The following FAM135A variants were observed in gnomAD, a reference collection of about 807,000 sequenced individuals.
The protein encoded by FAM135A is family with sequence similarity 135 member A.
FAM135A carries 79 observed loss-of-function variants against 146.8 expected under a neutral mutation model. The ratio of observed to expected loss-of-function variants is 0.54; its 90% CI spans 0.45 to 0.65. The LOEUF (loss-of-function observed/expected upper bound fraction) is 0.65, where lower values mean the gene tolerates loss of function less well. Ranked by LOEUF, FAM135A falls within the 30% of genes least tolerant of loss-of-function variation. The pLI, the probability that FAM135A is intolerant of heterozygous loss-of-function variation, is 0.00. For synonymous variants in FAM135A, 562 were observed against 603.6 expected (o/e 0.93, Z 1.01); for missense variants, 1,623 against 1,758.2 (o/e 0.92, Z 1.38).
At chr6:70,532,378 A>G (rs73746046) in intron 16 of FAM135A, among the ~76,000 whole-genome samples, 3,641 of 150,062 alleles carry the variant, frequency 0.024, 133 homozygotes, top group African/African-American at 0.083. Context: ...ATGCCTTTTG[A>G]GTTAATTATT....
At chr6:70,435,549 C>T (rs536043619) in intron 4 of FAM135A, among the ~76,000 whole-genome samples, 10 of 151,418 alleles carry the variant, frequency 6.6e-5, no homozygotes, top group East Asian at 5.9e-4. Context: ...GATGGAGTTT[C>T]GCTCTTGTTG....
chr6:70,538,720 A>G (rs1797228832), intron 20 of FAM135A, among the ~76,000 whole-genome samples: 1 of 150,970 alleles, frequency 6.6e-6, no homozygotes, highest in Admixed American at 6.6e-5. Context: ...TGCATGTCCT[A>G]TCCCCGCTGT....
chr6:70,507,964 A>G (rs1790169645), intron 12 of FAM135A, among the ~76,000 whole-genome samples: 1 of 152,118 alleles, frequency 6.6e-6, no homozygotes, highest in Non-Finnish European at 1.5e-5. Context: ...AAGTTAGCCT[A>G]CCATAGATTG....
intron 20 of FAM135A, among the ~76,000 whole-genome samples, chr6:70,540,471 C>G (rs1797711457): frequency 6.6e-6 from 1 of 151,850 alleles, no homozygotes; most frequent in Non-Finnish European, 1.5e-5. Flanking sequence ...ACTACAGGCG[C>G]CCGCCACCAC....
chr6:70,526,047 C>G lies in FAM135A; in HGVS notation c.2963C>G (p.Thr988Arg). ...CVISGSISSNTDVSEDRTMKK... is the reference protein window; with the variant it reads ...CVISGSISSNRDVSEDRTMKK... ...ATTTCAGGTTCCATTTCTAGTAATA[C>G]AGATGTTAGTGAAGATAGAACTATG... Residue 988 changes from threonine to arginine, a missense_variant, in exon 15 of 22, where the codon ACA (threonine) becomes AGA (arginine). Physicochemically the swap from Thr to Arg is moderately conservative, Grantham distance 71. Around this residue, in one of 7 missense-constraint regions of FAM135A, gnomAD observed 1,061 missense variants for 1,113.8 expected, o/e 0.95. Transcript: ENST00000418814. The G allele has an allele frequency of 6.2e-7, 1 of 1,612,008 alleles. No individual in the cohort carries two copies. Among genetic ancestry groups the G allele is most frequent in the Non-Finnish European group, 8.5e-7 (1 of 1,179,274 alleles).
chr6:70,476,620 A>G (rs1474199034), intron 7 of FAM135A, among the ~76,000 whole-genome samples: 4 of 152,110 alleles, frequency 2.6e-5, no homozygotes, highest in Admixed American at 2.0e-4. Flanking sequence ...ATAATTGGAT[A>G]TAATTTTCAT....
rs1291559354 is a variant in FAM135A at position 70,526,087 on chromosome 6, T to C, written c.3003T>C (p.Asp1001=). The C allele has an allele frequency of 6.2e-7, 1 of 1,613,062 alleles. No homozygotes were observed. The highest frequency in any genetic ancestry group is 8.5e-7 in the Non-Finnish European group (1 of 1,179,582). ...ATAGAACTATGAAAAAAAATAGTGA[T>C]GTATTAAATCTCACACAGATGTATT... The part of the protein sequence containing the change: ...SEDRTMKKNS[D]VLNLTQMYSE... The change falls in exon 15 of 22, where the codon GAT becomes GAC. Residue 1001 remains aspartate, a synonymous_variant. Coordinates refer to ENST00000418814, the MANE Select transcript of FAM135A (RefSeq NM_001162529.3).
intron 11 of FAM135A, among the ~76,000 whole-genome samples, chr6:70,492,656 T>TAAA (rs368818336): frequency 3.0e-4 from 39 of 128,176 alleles, no homozygotes; most frequent in Admixed American, 5.5e-4. Context: ...AACACCCTTG[T>TAAA]AAAAAAAAAA....
intron 8 of FAM135A, among the ~76,000 whole-genome samples, chr6:70,478,914 CTA>C: frequency 6.6e-6 from 1 of 152,166 alleles, no homozygotes; most frequent in Admixed American, 6.5e-5. Flanking sequence ...TGAAACTTTT[CTA>C]ACAAAGTGTG....
At chr6:70,487,596 T>G (rs1784938077) in intron 10 of FAM135A, among the ~76,000 whole-genome samples, 1 of 152,142 alleles carries the variant, frequency 6.6e-6, no homozygotes, top group Non-Finnish European at 1.5e-5. Context: ...GGGAAACTGA[T>G]TTTCTTGTCA....
intron 12 of FAM135A, among the ~76,000 whole-genome samples, chr6:70,518,809 C>G (rs1404857779): frequency 6.6e-6 from 1 of 152,144 alleles, no homozygotes; most frequent in South Asian, 2.1e-4. Flanking sequence ...TAAAAAGATT[C>G]CTTTCAGAAT....
chr6:70,421,386 A>G (rs1292960662), intron 2 of FAM135A, among the ~76,000 whole-genome samples: 2 of 152,252 alleles, frequency 1.3e-5, no homozygotes, highest in African/African-American at 4.8e-5. Flanking sequence ...TTCAGTGGAC[A>G]CATGTTACAA....
At chr6:70,443,656 T>C (rs2127971546) in intron 4 of FAM135A, among the ~76,000 whole-genome samples, 1 of 152,370 alleles carries the variant, frequency 6.6e-6, no homozygotes, top group Admixed American at 6.5e-5. Context: ...TAGTGAAAAT[T>C]TATAGTTTTT....
In FAM135A at chr6:70,526,052, G is replaced by A. The variant is rs1426312771; in HGVS notation, c.2968G>A (p.Val990Ile). ...ISGSISSNTD[V>I]SEDRTMKKNS... ...AGGTTCCATTTCTAGTAATACAGATGTTAGTGAAGATAGAACTATGAAAAA... is the reference window on the plus strand; with the variant it reads ...AGGTTCCATTTCTAGTAATACAGATATTAGTGAAGATAGAACTATGAAAAA... Residue 990 changes from valine to isoleucine, a missense_variant, in exon 15 of 22, where the codon GTT (valine) becomes ATT (isoleucine). Val to Ile is a conservative substitution (Grantham distance 29). Transcript: ENST00000418814. 1.2e-6 allele frequency: 2 copies of A among 1,612,316 alleles called. No individual in the cohort carries two copies. The highest frequency in any genetic ancestry group is 1.1e-5 in the South Asian group (1 of 90,810).
rs774380847 is a variant in FAM135A, at chr6:70,490,983, A to T, written c.824-51A>T. On this transcript the variant is annotated intron_variant, in intron 10 of 21. Coordinates refer to ENST00000418814, the MANE Select transcript of FAM135A (RefSeq NM_001162529.3). ...TTTTTTATGGGAATTTTATTTATATAAATTAAATATCTAACATTGGAATAT... is the reference window on the plus strand; with the variant it reads ...TTTTTTATGGGAATTTTATTTATATTAATTAAATATCTAACATTGGAATAT... 93 of 1,323,528 alleles carry T rather than the reference A, an allele frequency of 7.0e-5. No homozygotes were observed. The East Asian group carries it at 2.4e-3, about 34-fold the overall frequency. 82.0% of individuals were successfully genotyped at this position (1,323,528 alleles called of 1,614,324 possible). A position where few individuals can be genotyped will look rare whatever the true frequency, so the allele number is the denominator to read the frequency against.
At chr6:70,418,003 A>G (rs1473314302) in intron 2 of FAM135A, among the ~76,000 whole-genome samples, 1 of 152,204 alleles carries the variant, frequency 6.6e-6, no homozygotes, top group Non-Finnish European at 1.5e-5. Flanking sequence ...TCCACCAAAG[A>G]GAAAAAATTA....
chr6:70,543,933 T>A (rs1798379660), intron 20 of FAM135A, among the ~76,000 whole-genome samples: 2 of 152,218 alleles, frequency 1.3e-5, no homozygotes, highest in South Asian at 4.1e-4. Context: ...AACCAAACTC[T>A]GACATCACAC....
intron 20 of FAM135A, among the ~76,000 whole-genome samples, chr6:70,542,356 T>A (rs964925642): frequency 1.3e-5 from 2 of 150,794 alleles, no homozygotes; most frequent in Non-Finnish European, 2.9e-5. Context: ...CATGTGTTTT[T>A]GTATCATGTG....
At chr6:70,513,351 A>AC (rs1222812466) in intron 12 of FAM135A, 16 of 145,710 alleles carry the variant, frequency 1.1e-4, no homozygotes, top group African/African-American at 3.5e-4. Context: ...TTATTGGAAA[A>AC]CCTTCCTCCA....
Sources: gnomAD v4.1 joint callset for allele counts (sites outside exome capture counted in the v4.1 genomes callset) on GRCh38, gnomAD v4.1.1 for gene constraint, gnomAD v4.1.1 regional missense constraint, MANE v1.5 for transcripts, NCBI Gene and HGNC (gene_info 2026-07-23, HGNC 2026-07-21) for gene names.